Variants in RAP1GAP observed in about 807,000 individuals in gnomAD.
The protein encoded by RAP1GAP is rap1 GTPase-activating protein 1.
In RAP1GAP, 35 loss-of-function variants were observed where a neutral mutation model predicts 87.2. The observed-to-expected ratio is 0.40, with a 90% CI of 0.31 to 0.53. RAP1GAP has a LOEUF of 0.53. RAP1GAP is among the 20% of genes least tolerant of loss of function. RAP1GAP has a pLI of 0.48. For missense variants in RAP1GAP, 734 were observed against 898.9 expected, an observed-to-expected ratio of 0.82 and a Z score of 2.35; for synonymous variants, 375 against 363.9, an observed-to-expected ratio of 1.03 and a Z score of -0.35.
At chr1:21,632,306 C>T (rs906107030) in intron 2 of RAP1GAP, among the ~76,000 whole-genome samples, 3 of 152,222 alleles carry the variant, frequency 2.0e-5, no homozygotes, top group Non-Finnish European at 4.4e-5. Flanking sequence ...CACCTCCTCC[C>T]CCTCCCTTAT....
intron 2 of RAP1GAP, among the ~76,000 whole-genome samples, chr1:21,639,090 G>T (rs1006373550): frequency 1.1e-4 from 17 of 152,254 alleles, no homozygotes; most frequent in African/African-American, 4.1e-4. Context: ...CTGCAAGCCA[G>T]GCCAGCCGGG....
Position 21,603,565 on chromosome 1 carries a change from G to A in RAP1GAP, c.1429-652C>T. The A allele has an allele frequency of 1.6e-6, 1 of 632,098 alleles. No individual in the cohort carries two copies. Among genetic ancestry groups the A allele is most frequent in the Non-Finnish European group, 2.9e-6 (1 of 350,232 alleles). The allele number at this position is 632,098 out of a possible 1,614,324, so 39.2% of individuals were successfully genotyped here. ...GTGCGGCTGGGTGTAGGGCCTTTGG[G>A]TACCGGATCCTGGCAGGGACTGGGC... On this transcript the variant is annotated intron_variant, in intron 18 of 24. Transcript: ENST00000374765. The surrounding 1 kb of genome is among the most constrained non-coding windows in gnomAD (Gnocchi z 6.0).
In RAP1GAP at chr1:21,622,183, G is replaced by T. The variant is rs2088464422; in HGVS notation, c.-18-2133C>A. On this transcript the variant is annotated intron_variant, in intron 3 of 24. Coordinates refer to ENST00000374765, the MANE Select transcript of RAP1GAP (RefSeq NM_002885.4). The surrounding 1 kb of genome is among the most constrained non-coding windows in gnomAD (Gnocchi z 5.7). ...GTCCGGGACCCCAGGGTAGGGGTGC[G>T]CCCCGTGGCCAGTGTCAGCCCAGAA... Among the ~76,000 whole-genome samples the T allele has an allele frequency of 6.6e-6, 1 of 152,136 alleles. No individual in the cohort carries two copies. Among genetic ancestry groups the T allele is most frequent in the Non-Finnish European group, 1.5e-5 (1 of 67,994 alleles).
At chr1:21,623,657 G>A (rs958159786) in intron 3 of RAP1GAP, among the ~76,000 whole-genome samples, 2 of 152,228 alleles carry the variant, frequency 1.3e-5, no homozygotes, top group Admixed American at 6.5e-5. Flanking sequence ...ATCAGGTTTG[G>A]GCCTGGAGAG....
intron 3 of RAP1GAP, among the ~76,000 whole-genome samples, chr1:21,621,771 C>A (rs2087843054): frequency 6.6e-6 from 1 of 152,150 alleles, no homozygotes; most frequent in African/African-American, 2.4e-5. Flanking sequence ...CATTAATGTC[C>A]CCCATTAAGA....
chr1:21,617,594 G>A, intron 6 of RAP1GAP, 103 bp from the exon 7 acceptor site: 1 of 1,311,544 alleles, frequency 7.6e-7, no homozygotes, highest in Non-Finnish European at 1.0e-6. Context: ...CGTGGCTAAG[G>A]GGTATGAGGG....
At chr1:21,618,111 G>A in intron 5 of RAP1GAP, 139 bp from the exon 6 acceptor site, 1 of 979,190 alleles carries the variant, frequency 1.0e-6, no homozygotes, top group South Asian at 1.3e-5. Flanking sequence ...GATGGGCAGG[G>A]GCTGAGGCAG....
intron 18 of RAP1GAP, 75 bp from the exon 19 acceptor site, chr1:21,602,988 T>C (rs563172109): frequency 6.3e-6 from 7 of 1,114,720 alleles, no homozygotes; most frequent in African/African-American, 4.6e-5. Context: ...CCTCTGGGGA[T>C]CCTGCTGCCC....
intron 1 of RAP1GAP, among the ~76,000 whole-genome samples, chr1:21,663,882 G>A (rs565421431): frequency 2.0e-5 from 3 of 152,176 alleles, no homozygotes; most frequent in African/African-American, 7.2e-5. Context: ...CGTCTCAGGG[G>A]AGTCTGAGGA....
intron 16 of RAP1GAP, 124 bp downstream of exon 16, chr1:21,608,726 C>G: frequency 2.1e-6 from 2 of 944,166 alleles, no homozygotes; most frequent in Non-Finnish European, 3.3e-6. Context: ...TCAATCCATC[C>G]AGCCCCAGGT....
At position 21,603,494 on chromosome 1, in the gene RAP1GAP, A is replaced by T; in HGVS notation, c.1429-581T>A. ...CGTGGCGGGGAGGAGGAGTCAGGGC[A>T]GAGGAGAGGGATGGCGCTCCATGCA... On this transcript the variant is annotated intron_variant, in intron 18 of 24. Transcript: ENST00000374765. This position sits in a 1 kb window ranked among gnomAD's most constrained non-coding sequence, Gnocchi z 6.0. The T allele has an allele frequency of 1.7e-6, 1 of 596,564 alleles. No individual in the cohort carries two copies. Among genetic ancestry groups the T allele is most frequent in the Non-Finnish European group, 3.0e-6 (1 of 332,568 alleles). 37.0% of individuals were successfully genotyped at this position (596,564 alleles called of 1,614,324 possible).
chr1:21,652,145 C>CCTCT (rs2096629503), intron 1 of RAP1GAP, among the ~76,000 whole-genome samples: 1 of 149,958 alleles, frequency 6.7e-6, no homozygotes, highest in Admixed American at 6.6e-5. Flanking sequence ...GGCCGCAGAC[C>CCTCT]CTCTGTTGGA....
chr1:21,651,471 T>C (rs1434077562), intron 1 of RAP1GAP: 1 of 604,174 alleles, frequency 1.7e-6, no homozygotes, highest in East Asian at 3.9e-5. Flanking sequence ...GCAGCCCCAG[T>C]CACATGCATA....
In RAP1GAP at chr1:21,603,633, G is replaced by T; in HGVS notation, c.1429-720C>A. The T allele has an allele frequency of 1.3e-6, 1 of 748,942 alleles. No homozygotes were observed. The highest frequency in any genetic ancestry group is 1.4e-5 in the South Asian group (1 of 71,576). 46.4% of individuals were successfully genotyped at this position (748,942 alleles called of 1,614,324 possible). ...AGGCAGGGCCAGAAGCCCCTGGTGAGGGGCACTGGCTCTGGCACAGGTACC... is the reference window on the plus strand; with the variant it reads ...AGGCAGGGCCAGAAGCCCCTGGTGATGGGCACTGGCTCTGGCACAGGTACC... On this transcript the variant is annotated intron_variant, in intron 18 of 24. Transcript: ENST00000374765. This position sits in a 1 kb window ranked among gnomAD's most constrained non-coding sequence, Gnocchi z 6.0.
In RAP1GAP at chr1:21,609,137, G is replaced by A. The variant is rs2076631631; in HGVS notation, c.1072-201C>T. Among the ~76,000 whole-genome samples the A allele has an allele frequency of 6.6e-6, 1 of 152,186 alleles. No homozygotes were observed. The highest frequency in any genetic ancestry group is 6.5e-5 in the Admixed American group (1 of 15,290). On this transcript the variant is annotated intron_variant, in intron 15 of 24. Transcript: ENST00000374765. The surrounding 1 kb of genome is among the most constrained non-coding windows in gnomAD (Gnocchi z 4.4). ...TTCAAGGGGCCCCAGTGCCCTTCAT[G>A]GCTGCCCACGCCTTCGGGAGAGCAA...
At position 21,610,955 on chromosome 1, in the gene RAP1GAP, G is replaced by A. The variant is rs79953084; in HGVS notation, c.843+497C>T. Among the ~76,000 whole-genome samples the A allele has an allele frequency of 2.0e-4, 30 of 152,366 alleles. No homozygotes were observed. In the East Asian group the frequency reaches 4.4e-3, roughly 22 times the overall value. The stretch of plus-strand genomic sequence containing the variant: ...TAGGAGGCTCAGGACAAGGGGACAC[G>A]CTTCTGAGTTCAGTTCCTGGCACAT... On this transcript the variant is annotated intron_variant, in intron 13 of 24. Transcript: ENST00000374765.
intron 1 of RAP1GAP, chr1:21,651,784 G>C (rs1229658691): frequency 2.7e-5 from 38 of 1,428,644 alleles, no homozygotes; most frequent in Non-Finnish European, 3.4e-5. Context: ...CCTACCCGCC[G>C]TAGGCCCCGA....
At chr1:21,642,765 A>G (rs542358055) in intron 2 of RAP1GAP, among the ~76,000 whole-genome samples, 3 of 151,846 alleles carry the variant, frequency 2.0e-5, no homozygotes, top group East Asian at 3.9e-4. Flanking sequence ...GTCAGGCCCA[A>G]CTCAGTCTTG....
intron 13 of RAP1GAP, 47 bp downstream of exon 13, chr1:21,611,405 G>A: frequency 6.3e-7 from 1 of 1,579,886 alleles, no homozygotes; most frequent in Non-Finnish European, 8.6e-7. Flanking sequence ...CAGGTGGAGG[G>A]GGAGGACAGG....
Sources: allele counts gnomAD v4.1 joint callset (sites outside exome capture counted in the v4.1 genomes callset), GRCh38; gene constraint gnomAD v4.1.1; non-coding constraint Gnocchi (gnomAD v3.1); transcripts MANE v1.5; gene names NCBI Gene and HGNC (gene_info 2026-07-23, HGNC 2026-07-21).